NPR3: variants seen among roughly 807,000 people sequenced by gnomAD.
The protein encoded by NPR3 is atrial natriuretic peptide receptor 3.
Under a neutral mutation model 54.5 loss-of-function variants are expected in NPR3, and 34 were observed. The observed-to-expected ratio is 0.62, with a 90% CI of 0.47 to 0.83. The LOEUF is 0.83. Among genes scored for constraint, NPR3 ranks in the 40% least tolerant of loss-of-function variants. NPR3 has a pLI of 0.00. For synonymous variants in NPR3, 289 were observed against 297.1 expected (o/e 0.97, Z 0.28); for missense variants, 674 against 720.8 (o/e 0.94, Z 0.74).
At position 32,711,851 on chromosome 5, in the gene NPR3, TGGCGGTGGCGTTGGCGGCGGC is replaced by T. The variant is rs748840900; in HGVS notation, c.86_106del (p.Val29_Gly35del). On this transcript the variant is annotated inframe_deletion, in exon 1 of 8. Coordinates refer to ENST00000265074, the MANE Select transcript of NPR3 (RefSeq NM_001204375.2). ...GGGCGTTGCTGGCCGGCGGCACCGGTGGCGGTGGCGTTGGCGGCGGCGGCGGTGGCGCGGGCATAGGCGGCG... is the reference window on the plus strand; with the variant it reads ...GGGCGTTGCTGGCCGGCGGCACCGGTGGCGGTGGCGCGGGCATAGGCGGCG... 15 of 1,461,884 alleles carry T rather than the reference TGGCGGTGGCGTTGGCGGCGGC, an allele frequency of 1.0e-5. No individual in the cohort carries two copies. The highest frequency in any genetic ancestry group is 5.8e-5 in the African/African-American group (4 of 69,072). 90.6% of individuals were successfully genotyped at this position (1,461,884 alleles called of 1,614,324 possible).
At chr5:32,781,114 CT>C in intron 5 of NPR3, among the ~76,000 whole-genome samples, 1 of 150,844 alleles carries the variant, frequency 6.6e-6, no homozygotes, top group African/African-American at 2.4e-5. Flanking sequence ...AAGATTTGAG[CT>C]TTTCTGAGGG....
Position 32,778,556 on chromosome 5 carries a change from C to T in NPR3, c.1196-2166C>T, listed in dbSNP as rs1322038746. On this transcript the variant is annotated intron_variant, in intron 4 of 7. Transcript: ENST00000265074. ...ATGGCCTGGGAAGAAGCTGGATTTCCTCTGTGTGAGAGGTCAGAGTGACAA... is the reference window on the plus strand; with the variant it reads ...ATGGCCTGGGAAGAAGCTGGATTTCTTCTGTGTGAGAGGTCAGAGTGACAA... Among the ~76,000 whole-genome samples, 5 of 152,290 alleles carry T rather than the reference C, an allele frequency of 3.3e-5. No individual in the cohort carries two copies. The East Asian group carries it at 5.8e-4, about 18-fold the overall frequency.
chr5:32,741,973 A>G lies in NPR3; in HGVS notation c.1059+2943A>G, dbSNP rs1038550233. ...GATCCTGGTAAGTATCATGGGAAGG[A>G]ACTATGGGAGCCAAAGAGCCAGCAC... On this transcript the variant is annotated intron_variant, in intron 3 of 7. Coordinates refer to ENST00000265074, the MANE Select transcript of NPR3 (RefSeq NM_001204375.2). 2.0e-5 allele frequency among the ~76,000 whole-genome samples: 3 copies of G among 151,294 alleles called. No individual in the cohort carries two copies. The Admixed American group carries it at 2.0e-4, about 10-fold the overall frequency.
chr5:32,774,623 C>T lies in NPR3; in HGVS notation c.1060-85C>T, dbSNP rs1427335711. 4.9e-6 allele frequency: 5 copies of T among 1,025,246 alleles called. No individual in the cohort carries two copies. In the South Asian group the frequency reaches 6.6e-5, roughly 14 times the overall value. The allele number at this position is 1,025,246 out of a possible 1,614,324, so 63.5% of individuals were successfully genotyped here. ...CATGGCTAACAGACCTGAAGTCTAA[C>T]TTGTTAACGCTTTGGATTGCTCATC... On this transcript the variant is annotated intron_variant, in intron 3 of 7. Coordinates refer to ENST00000265074, the MANE Select transcript of NPR3 (RefSeq NM_001204375.2).
intron 2 of NPR3, 110 bp downstream of exon 2, chr5:32,724,930 A>T: frequency 8.5e-7 from 1 of 1,177,424 alleles, no homozygotes. Context: ...ACACCATGGA[A>T]TACTATGCAG....
chr5:32,736,230 CAAA>C (rs56211529), intron 2 of NPR3, among the ~76,000 whole-genome samples: 2 of 65,372 alleles, frequency 3.1e-5, no homozygotes, highest in Admixed American at 1.7e-4. Context: ...CACTCTGTCT[CAAA>C]AAAAAAAAAA....
intron 3 of NPR3, among the ~76,000 whole-genome samples, chr5:32,741,210 G>C (rs1029303441): frequency 6.6e-6 from 1 of 151,984 alleles, no homozygotes; most frequent in African/African-American, 2.4e-5. Context: ...TTGAGCTCAG[G>C]AGTTGAAGAC....
At chr5:32,718,463 T>C (rs1738671406) in intron 1 of NPR3, among the ~76,000 whole-genome samples, 1 of 152,264 alleles carries the variant, frequency 6.6e-6, no homozygotes, top group South Asian at 2.1e-4. Flanking sequence ...TGATTCTTCC[T>C]ATCCATGAGC....
chr5:32,747,941 A>G (rs569444168), intron 3 of NPR3, among the ~76,000 whole-genome samples: 1 of 152,082 alleles, frequency 6.6e-6, no homozygotes, highest in East Asian at 1.9e-4. Context: ...TTTAGTAGAG[A>G]CAGGGTTTCA....
intron 3 of NPR3, 139 bp downstream of exon 3, chr5:32,739,169 G>A (rs1033003245): frequency 4.5e-6 from 3 of 662,370 alleles, no homozygotes; most frequent in Non-Finnish European, 2.4e-6. Context: ...TGCCTTCTGT[G>A]TGTGTGTGTG....
chr5:32,729,768 A>G (rs1739362468), intron 2 of NPR3, among the ~76,000 whole-genome samples: 1 of 152,226 alleles, frequency 6.6e-6, no homozygotes, highest in African/African-American at 2.4e-5. Flanking sequence ...CAGTTTTATA[A>G]TATTCTGAGA....
At chr5:32,741,983 G>A (rs1740060901) in intron 3 of NPR3, among the ~76,000 whole-genome samples, 1 of 151,534 alleles carries the variant, frequency 6.6e-6, no homozygotes, top group South Asian at 2.1e-4. Context: ...AACTATGGGA[G>A]CCAAAGAGCC....
intron 1 of NPR3, among the ~76,000 whole-genome samples, chr5:32,696,012 G>A (rs1020465164): frequency 6.6e-6 from 1 of 152,140 alleles, no homozygotes; most frequent in African/African-American, 2.4e-5. Flanking sequence ...CTGTGCAGAA[G>A]CTTTTCAATT....
intron 3 of NPR3, among the ~76,000 whole-genome samples, chr5:32,756,674 T>C (rs1293790764): frequency 1.3e-5 from 2 of 152,364 alleles, no homozygotes; most frequent in East Asian, 3.9e-4. Context: ...ATGAACTCCT[T>C]GCCCATGCCT....
intron 4 of NPR3, among the ~76,000 whole-genome samples, chr5:32,779,712 C>G (rs771048844): frequency 6.6e-6 from 1 of 152,174 alleles, no homozygotes; most frequent in Non-Finnish European, 1.5e-5. Flanking sequence ...CCCTGATTCT[C>G]CAACTTGTTG....
At chr5:32,776,913 T>A (rs1345761203) in intron 4 of NPR3, among the ~76,000 whole-genome samples, 1 of 150,748 alleles carries the variant, frequency 6.6e-6, no homozygotes, top group Non-Finnish European at 1.5e-5. Flanking sequence ...TCTCTGAGAG[T>A]GAAGTTGAGT....
chr5:32,753,323 CTT>C (rs3066352), intron 3 of NPR3, among the ~76,000 whole-genome samples: 28,590 of 145,562 alleles, frequency 0.2, 2,809 homozygotes, highest in South Asian at 0.28. Flanking sequence ...ATGCTATTTT[CTT>C]TTTTTTTTTT....
chr5:32,709,806 G>C (rs988841483), upstream of NPR3: 1 of 148,462 alleles, frequency 6.7e-6, no homozygotes, highest in Admixed American at 6.7e-5. Flanking sequence ...CCTTTTCACC[G>C]TCGCAAGTGA....
intron 3 of NPR3, among the ~76,000 whole-genome samples, chr5:32,745,226 G>A (rs1225026216): frequency 6.6e-6 from 1 of 152,138 alleles, no homozygotes. Flanking sequence ...TTCACAGTGG[G>A]GGTTCTGAGG....
Sources: allele counts gnomAD v4.1 joint callset (sites outside exome capture counted in the v4.1 genomes callset), GRCh38; gene constraint gnomAD v4.1.1; transcripts MANE v1.5; gene names NCBI Gene and HGNC (gene_info 2026-07-23, HGNC 2026-07-21).